CLPB: variants seen among roughly 807,000 people sequenced by gnomAD.
The protein encoded by CLPB is ClpB family mitochondrial disaggregase.
CLPB carries 40 observed loss-of-function variants against 78.4 expected under a neutral mutation model. That is an observed-to-expected ratio of 0.51 (90% CI 0.40 to 0.66). The LOEUF is 0.66. CLPB is among the 30% of genes least tolerant of loss of function. The probability of loss-of-function intolerance (pLI) is 0.00; values close to 1 mark genes in which losing one functional copy is unlikely to be tolerated. For synonymous variants in CLPB, 333 were observed against 348.0 expected, an observed-to-expected ratio of 0.96 and a Z score of 0.48; for missense variants, 780 against 886.9, an observed-to-expected ratio of 0.88 and a Z score of 1.53.
chr11:72,395,076 T>C (rs944927503), intron 3 of CLPB, among the ~76,000 whole-genome samples: 1 of 152,158 alleles, frequency 6.6e-6, no homozygotes, highest in African/African-American at 2.4e-5. Context: ...CCAACTCCTC[T>C]GAAAGGGCCT....
intron 4 of CLPB, among the ~76,000 whole-genome samples, chr11:72,376,136 T>C (rs1255585257): frequency 6.6e-6 from 1 of 152,184 alleles, no homozygotes. Context: ...ATTACATCTC[T>C]TGTTTTACTC....
chr11:72,367,779 T>G (rs143968367), intron 4 of CLPB, among the ~76,000 whole-genome samples: 1 of 152,020 alleles, frequency 6.6e-6, no homozygotes, highest in Admixed American at 6.6e-5. Context: ...ATAAAAATAT[T>G]TGATACAAAA....
intron 2 of CLPB, among the ~76,000 whole-genome samples, chr11:72,406,786 G>C (rs1246714338): frequency 6.6e-6 from 1 of 152,178 alleles, no homozygotes; most frequent in Non-Finnish European, 1.5e-5. Flanking sequence ...TGGCTACTGG[G>C]GAGGAGACAG....
intron 6 of CLPB, among the ~76,000 whole-genome samples, chr11:72,318,763 G>A (rs1245722392): frequency 1.3e-5 from 2 of 152,158 alleles, no homozygotes; most frequent in Non-Finnish European, 2.9e-5. Context: ...TTCATATGGA[G>A]CAATAATTCG....
At chr11:72,340,358 C>A (rs1950398489) in intron 5 of CLPB, among the ~76,000 whole-genome samples, 1 of 152,196 alleles carries the variant, frequency 6.6e-6, no homozygotes, top group South Asian at 2.1e-4. Context: ...TCTATTTAAT[C>A]ATCTTTTGCA....
intron 5 of CLPB, among the ~76,000 whole-genome samples, chr11:72,351,940 A>T (rs1157273410): frequency 6.6e-6 from 1 of 152,124 alleles, no homozygotes; most frequent in Non-Finnish European, 1.5e-5. Flanking sequence ...GTACATAAGG[A>T]TACAACTCAA....
rs11235485 is a variant in CLPB, at chr11:72,374,624, A to G, written c.646+5657T>C. Among the ~76,000 whole-genome samples the G allele has an allele frequency of 5.7e-3, 867 of 152,368 alleles. 2 individuals are homozygous for G. The highest frequency in any genetic ancestry group is 0.016 in the South Asian group (75 of 4,828). On this transcript the variant is annotated intron_variant, in intron 4 of 15. Coordinates refer to ENST00000538039, the MANE Select transcript of CLPB (RefSeq NM_001258392.3). ...GCTAAAGAGCAAATGCTCACATGAC[A>G]TGGGAGAAGAGTGTCACTAGGAATG...
At chr11:72,358,070 G>C (rs1305122254) in intron 5 of CLPB, among the ~76,000 whole-genome samples, 2 of 152,200 alleles carry the variant, frequency 1.3e-5, no homozygotes, top group African/African-American at 4.8e-5. Context: ...GTGGGATATG[G>C]GGAAGTGGGA....
chr11:72,349,189 T>C (rs1400118674), intron 5 of CLPB, among the ~76,000 whole-genome samples: 1 of 152,164 alleles, frequency 6.6e-6, no homozygotes, highest in Non-Finnish European at 1.5e-5. Flanking sequence ...GATAAGGAAA[T>C]TGAAGCTCAG....
rs1949397796 is a variant in CLPB, at chr11:72,286,882, T to TAA, written c.*6483_*6484dup. ...AAATTAGAGGTTTACCTTTAACCTCTAAATACTTACATTTTCTGAAAACAA... is the reference window on the plus strand; with the variant it reads ...AAATTAGAGGTTTACCTTTAACCTCTAAAAATACTTACATTTTCTGAAAACAA... On this transcript the variant is annotated 3_prime_UTR_variant, in exon 16 of 16. Coordinates refer to ENST00000538039, the MANE Select transcript of CLPB (RefSeq NM_001258392.3). 1 of 152,130 alleles carries TAA rather than the reference T, an allele frequency of 6.6e-6. No homozygotes were observed. The highest frequency in any genetic ancestry group is 1.5e-5 in the Non-Finnish European group (1 of 68,028). The allele number at this position is 152,130 out of a possible 1,614,324, so 9.4% of individuals were successfully genotyped here.
intron 10 of CLPB, 30 bp downstream of exon 10, chr11:72,302,274 A>G: frequency 6.2e-7 from 1 of 1,611,224 alleles, no homozygotes; most frequent in South Asian, 1.1e-5. Context: ...CCTCCAAACC[A>G]TGCTTCAATC....
At chr11:72,379,023 G>A (rs1344519241) in intron 4 of CLPB, among the ~76,000 whole-genome samples, 1 of 152,220 alleles carries the variant, frequency 6.6e-6, no homozygotes. Context: ...GAAGGGAAGG[G>A]AGAGGGTAAC....
At chr11:72,305,183 C>T (rs936659895) in intron 9 of CLPB, among the ~76,000 whole-genome samples, 5 of 152,304 alleles carry the variant, frequency 3.3e-5, no homozygotes, top group African/African-American at 9.6e-5. Context: ...CTGAGAACAA[C>T]GGTATCACAG....
At chr11:72,356,916 A>C (rs1164252134) in intron 5 of CLPB, 1 of 152,230 alleles carries the variant, frequency 6.6e-6, no homozygotes. Flanking sequence ...CGGCAGAGAT[A>C]ATGTCCTTGG....
rs563848301 is a variant in CLPB, at chr11:72,294,252, T to C, written c.1680+73A>G. The C allele has an allele frequency of 1.7e-5, 27 of 1,609,994 alleles. 1 individual carries two copies. The South Asian group carries it at 2.9e-4, about 17-fold the overall frequency. On this transcript the variant is annotated intron_variant, in intron 14 of 15. Coordinates refer to ENST00000538039, the MANE Select transcript of CLPB (RefSeq NM_001258392.3). Reference sequence around the variant, plus strand: ...GCTCCACCTTTTATGTGTGTGGGGGTGCCCCCAGTCCAGTGTTCCAGATTT... The same window carrying C: ...GCTCCACCTTTTATGTGTGTGGGGGCGCCCCCAGTCCAGTGTTCCAGATTT...
intron 2 of CLPB, among the ~76,000 whole-genome samples, chr11:72,421,157 C>T (rs1433231463): frequency 6.6e-6 from 1 of 152,168 alleles, no homozygotes; most frequent in Non-Finnish European, 1.5e-5. Context: ...CCCTTGAGTC[C>T]TATGCAAATC....
At chr11:72,413,145 C>T (rs1190976528) in intron 2 of CLPB, among the ~76,000 whole-genome samples, 3 of 151,912 alleles carry the variant, frequency 2.0e-5, no homozygotes, top group Non-Finnish European at 2.9e-5. Flanking sequence ...CAAAATTAGC[C>T]GGGCATGGTG....
chr11:72,378,255 T>C (rs1481399936), intron 4 of CLPB, among the ~76,000 whole-genome samples: 1 of 152,236 alleles, frequency 6.6e-6, no homozygotes, highest in Middle Eastern at 3.2e-3. Context: ...TCCACCTTGC[T>C]TTTTGGTGAG....
At chr11:72,417,327 G>A (rs965047755) in intron 2 of CLPB, among the ~76,000 whole-genome samples, 1 of 152,102 alleles carries the variant, frequency 6.6e-6, no homozygotes, top group African/African-American at 2.4e-5. Context: ...AGTGAAAGAA[G>A]CCAGACACAA....
Sources: allele counts gnomAD v4.1 joint callset (sites outside exome capture counted in the v4.1 genomes callset), GRCh38; gene constraint gnomAD v4.1.1; transcripts MANE v1.5; gene names NCBI Gene and HGNC (gene_info 2026-07-23, HGNC 2026-07-21).